The following THEMIS variants were observed in gnomAD, a reference collection of about 807,000 sequenced individuals.
The protein encoded by THEMIS is protein THEMIS.
In THEMIS, 37 loss-of-function variants were observed where a neutral mutation model predicts 52.6. That is an observed-to-expected ratio of 0.70 (90% CI 0.54 to 0.93). The LOEUF is 0.93. THEMIS is among the 40% of genes least tolerant of loss of function. THEMIS has a pLI of 0.00. For synonymous variants in THEMIS, 292 were observed against 272.7 expected (o/e 1.07, Z -0.70); for missense variants, 808 against 763.1 (o/e 1.06, Z -0.69).
intron 5 of THEMIS, among the ~76,000 whole-genome samples, chr6:127,718,459 G>A (rs374194148): frequency 6.6e-6 from 1 of 151,932 alleles, no homozygotes; most frequent in East Asian, 1.9e-4. Context: ...AAGGCACAAA[G>A]CTGGGACTAC....
At chr6:127,703,133 C>T (rs371099007), downstream of THEMIS, among the ~76,000 whole-genome samples, 11 of 143,084 alleles carry the variant, frequency 7.7e-5, 1 homozygote, top group Admixed American at 2.1e-4. Context: ...CTGCAAGCTC[C>T]GCCTCCCGGG....
At chr6:127,906,952 AC>A (rs567337434) in intron 1 of THEMIS, among the ~76,000 whole-genome samples, 2,589 of 149,030 alleles carry the variant, frequency 0.017, 80 homozygotes, top group African/African-American at 0.06. Context: ...ATGTTAAAAA[AC>A]AAAAAAAAAA....
chr6:127,778,457 T>C (rs768022363), intron 4 of THEMIS, among the ~76,000 whole-genome samples: 1 of 152,158 alleles, frequency 6.6e-6, no homozygotes, highest in Admixed American at 6.5e-5. Flanking sequence ...TTCCTTTTAT[T>C]CAGTCTAACA....
chr6:127,875,931 T>C (rs1355315056), intron 1 of THEMIS, among the ~76,000 whole-genome samples: 3 of 152,232 alleles, frequency 2.0e-5, no homozygotes, highest in African/African-American at 7.2e-5. Flanking sequence ...TCTGGATGTC[T>C]GGTTATTAAT....
At chr6:127,877,227 T>G (rs1263573694) in intron 1 of THEMIS, among the ~76,000 whole-genome samples, 4 of 152,216 alleles carry the variant, frequency 2.6e-5, no homozygotes, top group Non-Finnish European at 5.9e-5. Context: ...GATGTGATCT[T>G]CTATTCACAC....
downstream of THEMIS, among the ~76,000 whole-genome samples, chr6:127,706,205 T>A (rs1032016260): frequency 2.0e-5 from 3 of 151,704 alleles, no homozygotes; most frequent in Admixed American, 6.6e-5. Flanking sequence ...ATATATAATT[T>A]AGAACATATA....
intron 1 of THEMIS, 70 bp downstream of exon 1, chr6:127,900,772 C>G (rs1337988703): frequency 7.6e-7 from 1 of 1,322,484 alleles, no homozygotes; most frequent in East Asian, 2.3e-5. Flanking sequence ...AAAATTCCCC[C>G]CCTCCAATTT....
intron 2 of THEMIS, among the ~76,000 whole-genome samples, chr6:127,839,852 G>T (rs965477097): frequency 1.2e-4 from 19 of 152,042 alleles, no homozygotes; most frequent in African/African-American, 4.6e-4. Context: ...GGGCATCGTT[G>T]ACAGTGTGAC....
chr6:127,812,466 C>T (rs1777940461), intron 4 of THEMIS, among the ~76,000 whole-genome samples: 1 of 151,972 alleles, frequency 6.6e-6, no homozygotes, highest in Non-Finnish European at 1.5e-5. Context: ...TACCAGTAAC[C>T]CCCCATCCCC....
chr6:127,739,772 CG>C (rs1390696551), intron 4 of THEMIS, among the ~76,000 whole-genome samples: 1 of 152,156 alleles, frequency 6.6e-6, no homozygotes, highest in Non-Finnish European at 1.5e-5. Flanking sequence ...AATGCTGTAC[CG>C]TAACAAATCG....
chr6:127,833,051 T>G (rs967976615), intron 2 of THEMIS, among the ~76,000 whole-genome samples: 1 of 152,080 alleles, frequency 6.6e-6, no homozygotes, highest in African/African-American at 2.4e-5. Context: ...CCCAAAGTGC[T>G]GGGATTACAG....
intron 1 of THEMIS, among the ~76,000 whole-genome samples, chr6:127,869,400 A>C (rs1780087377): frequency 6.6e-6 from 1 of 152,190 alleles, no homozygotes; most frequent in Admixed American, 6.5e-5. Flanking sequence ...CATGTAACTG[A>C]CTGGGAGTGG....
At chr6:127,844,951 C>T (rs1432302995) in intron 2 of THEMIS, among the ~76,000 whole-genome samples, 3 of 151,220 alleles carry the variant, frequency 2.0e-5, no homozygotes, top group Non-Finnish European at 4.4e-5. Context: ...AATAATTGAA[C>T]ATTTTTGAGG....
intron 4 of THEMIS, among the ~76,000 whole-genome samples, chr6:127,798,916 C>T (rs1777425661): frequency 6.8e-6 from 1 of 146,632 alleles, no homozygotes; most frequent in Non-Finnish European, 1.5e-5. Context: ...GGCGTGAACC[C>T]GGGAGGCGGA....
At chr6:127,827,819 C>G (rs959078767) in intron 3 of THEMIS, among the ~76,000 whole-genome samples, 17 of 152,214 alleles carry the variant, frequency 1.1e-4, no homozygotes, top group African/African-American at 3.9e-4. Flanking sequence ...CTACTCTCCT[C>G]TGTTCTTCTC....
chr6:127,782,733 G>C (rs989303186), intron 4 of THEMIS, among the ~76,000 whole-genome samples: 7 of 123,870 alleles, frequency 5.7e-5, no homozygotes, highest in Non-Finnish European at 9.0e-5. Context: ...GACTTGAGCT[G>C]TTCCTATTTG....
At chr6:127,734,434 G>A (rs1243210619) in intron 4 of THEMIS, among the ~76,000 whole-genome samples, 1 of 152,272 alleles carries the variant, frequency 6.6e-6, no homozygotes, top group Middle Eastern at 3.4e-3. Flanking sequence ...GTTAACGGTT[G>A]ATGAAGTCAG....
At chr6:127,751,949 A>G (rs904524965) in intron 4 of THEMIS, among the ~76,000 whole-genome samples, 1 of 151,740 alleles carries the variant, frequency 6.6e-6, no homozygotes, top group Non-Finnish European at 1.5e-5. Context: ...ATATTAGACC[A>G]CAAAACAAGT....
chr6:127,894,854 A>G (rs1250252566), intron 1 of THEMIS, among the ~76,000 whole-genome samples: 1 of 151,396 alleles, frequency 6.6e-6, no homozygotes, highest in African/African-American at 2.4e-5. Context: ...GTTATCTTAA[A>G]TCTAAAATGA....
Sources: allele counts gnomAD v4.1 joint callset (sites outside exome capture counted in the v4.1 genomes callset), GRCh38; gene constraint gnomAD v4.1.1; transcripts MANE v1.5; gene names NCBI Gene and HGNC (gene_info 2026-07-23, HGNC 2026-07-21).